The following SUGCT variants were observed in gnomAD, a reference collection of about 807,000 sequenced individuals.
SUGCT encodes succinyl-CoA:glutarate-CoA transferase, also known as succinyl-CoA:glutarate CoA-transferase.
In SUGCT, 41 loss-of-function variants were observed where a neutral mutation model predicts 55.0. The ratio of observed to expected loss-of-function variants is 0.74; its 90% CI spans 0.58 to 0.97. The LOEUF (loss-of-function observed/expected upper bound fraction) is 0.97, where lower values mean the gene tolerates loss of function less well. Among genes scored for constraint, SUGCT ranks in the 50% least tolerant of loss-of-function variants. The pLI is 0.00. For missense variants in SUGCT, 568 were observed against 547.8 expected, an observed-to-expected ratio of 1.04 and a Z score of -0.37; for synonymous variants, 187 against 200.4, an observed-to-expected ratio of 0.93 and a Z score of 0.56.
chr7:40,765,259 A>G (rs1014099255), intron 13 of SUGCT, among the ~76,000 whole-genome samples: 1 of 152,132 alleles, frequency 6.6e-6, no homozygotes, highest in African/African-American at 2.4e-5. Flanking sequence ...ATCAGATTAG[A>G]ACTGTGGACT....
intron 6 of SUGCT, among the ~76,000 whole-genome samples, chr7:40,202,061 C>G (rs1001880596): frequency 1.3e-5 from 2 of 152,126 alleles, no homozygotes; most frequent in Admixed American, 1.3e-4. Context: ...GCAACCTCTG[C>G]TTCCCAGGCT....
intron 9 of SUGCT, among the ~76,000 whole-genome samples, chr7:40,431,048 A>T (rs1562771708): frequency 6.6e-6 from 1 of 150,772 alleles, no homozygotes; most frequent in Non-Finnish European, 1.5e-5. Flanking sequence ...AACCCAGGAG[A>T]CGGAGGTTAC....
rs544433656 is a variant in SUGCT at position 40,790,079 on chromosome 7, A to G, written c.1153+40582A>G. 1.4e-4 allele frequency among the ~76,000 whole-genome samples: 22 copies of G among 152,342 alleles called. No individual in the cohort carries two copies. In the South Asian group the frequency reaches 4.6e-3, roughly 32 times the overall value. On this transcript the variant is annotated intron_variant, in intron 13 of 13. Transcript: ENST00000335693. Reference sequence around the variant, plus strand: ...TCAATGAATTTTCACTGCTATAGTAAAACTTCGACATGGTTTGGCTGTGTC... The same window carrying G: ...TCAATGAATTTTCACTGCTATAGTAGAACTTCGACATGGTTTGGCTGTGTC...
intron 13 of SUGCT, among the ~76,000 whole-genome samples, chr7:40,847,407 CTTTCTTTTTTTTT>C (rs1793618024): frequency 8.5e-6 from 1 of 117,888 alleles, no homozygotes; most frequent in Middle Eastern, 4.4e-3. Flanking sequence ...TCTTTTCTTT[CTTTCTTTTTTTTT>C]TTTTTTTTTT....
intron 1 of SUGCT, among the ~76,000 whole-genome samples, chr7:40,169,634 G>A (rs1784579286): frequency 6.6e-6 from 1 of 152,222 alleles, no homozygotes; most frequent in Admixed American, 6.5e-5. Context: ...ATGTCCTTGT[G>A]GACTGCACTG....
At chr7:40,322,207 C>G (rs1584677553) in intron 9 of SUGCT, among the ~76,000 whole-genome samples, 2 of 152,140 alleles carry the variant, frequency 1.3e-5, no homozygotes, top group Non-Finnish European at 2.9e-5. Context: ...TTTCACTGTT[C>G]TGAATAGCAT....
chr7:40,563,091 C>A (rs1795929771), intron 12 of SUGCT, among the ~76,000 whole-genome samples: 1 of 152,164 alleles, frequency 6.6e-6, no homozygotes, highest in African/African-American at 2.4e-5. Context: ...CGCACATGCA[C>A]ATGCACCTGA....
chr7:41,034,640 C>T, the SUGCT span, among the ~76,000 whole-genome samples: 1 of 152,182 alleles, frequency 6.6e-6, no homozygotes, highest in Non-Finnish European at 1.5e-5. Flanking sequence ...GAGCTCTTAG[C>T]TACTGTGTTT....
At chr7:40,903,425 G>A in the SUGCT span, among the ~76,000 whole-genome samples, 2 of 152,128 alleles carry the variant, frequency 1.3e-5, no homozygotes, top group East Asian at 3.9e-4. Flanking sequence ...GAAGAGAAGG[G>A]CAGTGGCTCA....
chr7:41,032,770 A>G, the SUGCT span, among the ~76,000 whole-genome samples: 2 of 152,040 alleles, frequency 1.3e-5, no homozygotes, highest in Admixed American at 1.3e-4. Context: ...TTGTTTGTTT[A>G]TTTGTTTGTT....
At chr7:40,472,666 A>AATG (rs1160524180) in intron 11 of SUGCT, among the ~76,000 whole-genome samples, 1 of 152,084 alleles carries the variant, frequency 6.6e-6, no homozygotes, top group Admixed American at 6.6e-5. Context: ...TAATAATAAT[A>AATG]ATAATAAAAA....
chr7:40,899,525 A>G, the SUGCT span, among the ~76,000 whole-genome samples: 1 of 152,188 alleles, frequency 6.6e-6, no homozygotes, highest in African/African-American at 2.4e-5. Context: ...ACAACGAAAA[A>G]TACAACAACA....
At chr7:40,967,517 C>T in the SUGCT span, among the ~76,000 whole-genome samples, 1 of 152,226 alleles carries the variant, frequency 6.6e-6, no homozygotes, top group Non-Finnish European at 1.5e-5. Flanking sequence ...CACACCCTCA[C>T]CCTCAATCAA....
chr7:40,192,791 C>A (rs1785992691), intron 5 of SUGCT, among the ~76,000 whole-genome samples: 1 of 151,814 alleles, frequency 6.6e-6, no homozygotes, highest in Non-Finnish European at 1.5e-5. Context: ...ACCACCATGC[C>A]TGGCTAATTT....
the SUGCT span, among the ~76,000 whole-genome samples, chr7:40,875,932 G>A: frequency 1.2e-3 from 180 of 152,220 alleles, no homozygotes; most frequent in African/African-American, 3.5e-3. Context: ...TGGTCATAAC[G>A]TTGTCCATGG....
chr7:40,931,357 C>T, the SUGCT span, among the ~76,000 whole-genome samples: 1 of 152,188 alleles, frequency 6.6e-6, no homozygotes, highest in Non-Finnish European at 1.5e-5. Context: ...CATCAATGTT[C>T]ATCAGAGATA....
the SUGCT span, among the ~76,000 whole-genome samples, chr7:40,975,183 T>C: frequency 0.38 from 58,148 of 151,994 alleles, 11,222 homozygotes; most frequent in South Asian, 0.42. Flanking sequence ...TTTGTATACA[T>C]TTCCCTTCAA....
chr7:40,274,605 A>T lies in SUGCT; in HGVS notation c.669A>T (p.Lys223Asn). 1 of 1,613,852 alleles carries T rather than the reference A, an allele frequency of 6.2e-7. No homozygotes were observed. The highest frequency in any genetic ancestry group is 1.1e-5 in the South Asian group (1 of 91,088). Residue 223 changes from lysine (K) to asparagine (N), a missense_variant, in exon 8 of 14, where the codon AAA becomes AAT. Physicochemically the swap from Lys to Asn is moderately conservative, Grantham distance 94. Coordinates refer to ENST00000335693, the MANE Select transcript of SUGCT (RefSeq NM_001193313.2). ...CTATTATGGCTGGATTGATACAAAA[A>T]TACAAAACTGGGAAAGGACTGTTCA... is the stretch of plus-strand genomic sequence containing the variant. ...YGAIMAGLIQ[K>N]YKTGKGLFID...
chr7:40,296,780 G>A (rs926580232), intron 8 of SUGCT, among the ~76,000 whole-genome samples: 1 of 151,994 alleles, frequency 6.6e-6, no homozygotes, highest in African/African-American at 2.4e-5. Flanking sequence ...GTTTGTGTGT[G>A]TGTAATTGAT....
Sources: gnomAD v4.1 joint callset for allele counts (sites outside exome capture counted in the v4.1 genomes callset) on GRCh38, gnomAD v4.1.1 for gene constraint, MANE v1.5 for transcripts, NCBI Gene and HGNC (gene_info 2026-07-23, HGNC 2026-07-21) for gene names.